RBBP7: variants seen among roughly 807,000 people sequenced by gnomAD.
RBBP7 encodes RB binding protein 7, chromatin remodeling factor, also known as histone-binding protein RBBP7.
A neutral mutation model predicts 35.2 loss-of-function variants in RBBP7; 5 were observed. The observed-to-expected ratio is 0.14, with a 90% CI of 0.07 to 0.30. The LOEUF (loss-of-function observed/expected upper bound fraction) is 0.30. Ranked by LOEUF, RBBP7 falls within the 10% of genes least tolerant of loss-of-function variation. The pLI is 1.00. For synonymous variants in RBBP7, 140 were observed against 118.7 expected (o/e 1.18, Z -1.17); for missense variants, 155 against 327.5 (o/e 0.47, Z 4.07).
Position 16,853,856 on chromosome X carries a change from A to G in RBBP7, c.598-14T>C. ...CAGACAAACAGTCTAAGAGAGAAGG[A>G]GAGAAAAAAAAAAGAACAAGGGCTA... On this transcript the variant is annotated splice_polypyrimidine_tract_variant and intron_variant, in intron 5 of 11. Coordinates refer to ENST00000380087, the MANE Select transcript of RBBP7 (RefSeq NM_002893.4). 1 of 1,074,679 alleles carries G rather than the reference A, an allele frequency of 9.3e-7. No individual in the cohort carries two copies. The highest frequency in any genetic ancestry group is 1.2e-6 in the Non-Finnish European group (1 of 826,467). 88.6% of individuals were successfully genotyped at this position (1,074,679 alleles called of 1,213,427 possible). A position where few individuals can be genotyped will look rare whatever the true frequency, so the allele number is the denominator to read the frequency against.
chrX:16,850,107 A>G (rs1485836976), intron 9 of RBBP7, among the ~76,000 whole-genome samples: 1 of 112,122 alleles, frequency 8.9e-6, no homozygotes. Flanking sequence ...AACTAACCAA[A>G]CAATCTCAAA....
intron 5 of RBBP7, among the ~76,000 whole-genome samples, chrX:16,854,724 T>C (rs1356901322): frequency 9.2e-6 from 1 of 108,593 alleles, no homozygotes; most frequent in Non-Finnish European, 1.9e-5. Flanking sequence ...AGATCCCCAA[T>C]GATGTGCTCC....
Position 16,858,801 on chromosome X carries a change from T to C in RBBP7, c.356A>G (p.Lys119Arg). Residue 119 changes from lysine to arginine, a missense_variant, in exon 4 of 12, where the codon AAA (lysine) becomes AGA (arginine). Physicochemically the swap from Lys to Arg is conservative, Grantham distance 26 (BLOSUM62 2). Around this residue, in one of 3 missense-constraint regions of RBBP7, gnomAD observed 59 missense variants for 90.4 expected, o/e 0.65. Coordinates refer to ENST00000380087, the MANE Select transcript of RBBP7 (RefSeq NM_002893.4). ...SVTGKIECEI[K>R]INHEGEVNRA... ...GTTTACTTCTCCTTCGTGATTGATT[T>C]TAATTTCACATTCAATTTTTCCTGT... 8.3e-7 allele frequency: 1 copy of C among 1,211,738 alleles called. No homozygotes were observed. The highest frequency in any genetic ancestry group is 1.7e-5 in the African/African-American group (1 of 57,774).
At chrX:16,863,148 A>C in intron 2 of RBBP7, 48 bp from the exon 3 acceptor site, 1 of 1,118,900 alleles carries the variant, frequency 8.9e-7, no homozygotes, top group Non-Finnish European at 1.2e-6. Flanking sequence ...AGAAATCTCC[A>C]ATTGCTAACA....
At chrX:16,860,147 CA>C (rs1930433847) in intron 3 of RBBP7, among the ~76,000 whole-genome samples, 1 of 108,796 alleles carries the variant, frequency 9.2e-6, no homozygotes, top group African/African-American at 3.4e-5. Flanking sequence ...GAGACTGCTC[CA>C]AATCTGCTCC....
chrX:16,868,459 T>G (rs1214648739), intron 2 of RBBP7, among the ~76,000 whole-genome samples: 1 of 112,149 alleles, frequency 8.9e-6, no homozygotes, highest in Non-Finnish European at 1.9e-5. Flanking sequence ...CAACAGGACG[T>G]AGATTCTTCA....
intron 2 of RBBP7, among the ~76,000 whole-genome samples, chrX:16,865,715 T>G (rs771004405): frequency 8.9e-6 from 1 of 112,257 alleles, no homozygotes; most frequent in Non-Finnish European, 1.9e-5. Flanking sequence ...TAACTACCAC[T>G]AGGAAATTTA....
At chrX:16,868,934 G>GTA in intron 2 of RBBP7, 142 bp downstream of exon 2, 1 of 585,623 alleles carries the variant, frequency 1.7e-6, no homozygotes, top group Non-Finnish European at 2.6e-6. Flanking sequence ...CACAAATCAC[G>GTA]TAAGTTTTGA....
intron 10 of RBBP7, 73 bp from the exon 11 acceptor site, chrX:16,846,011 T>C: frequency 8.7e-7 from 1 of 1,148,389 alleles, no homozygotes; most frequent in Non-Finnish European, 1.2e-6. Flanking sequence ...TTACTAAGTT[T>C]TTAGAGCTAT....
Position 16,854,944 on chromosome X carries a change from G to T in RBBP7, c.598-1102C>A, listed in dbSNP as rs1388027157. On this transcript the variant is annotated intron_variant, in intron 5 of 11. Transcript: ENST00000380087. ...GTTAATAAGAAATAATACCATGAAG[G>T]TATATTAGCACTAATTATAGTTCCA... Among the ~76,000 whole-genome samples the T allele has an allele frequency of 2.8e-5, 3 of 106,675 alleles. No individual in the cohort carries two copies. In the Admixed American group the frequency reaches 3.0e-4, roughly 11 times the overall value. 92.6% of individuals were successfully genotyped at this position (106,675 alleles called of 115,157 possible). A position where few individuals can be genotyped will look rare whatever the true frequency, so the allele number is the denominator to read the frequency against.
At chrX:16,857,559 C>A in intron 5 of RBBP7, 35 bp downstream of exon 5, 1 of 1,208,993 alleles carries the variant, frequency 8.3e-7, no homozygotes, top group East Asian at 3.0e-5. Flanking sequence ...TCAGCTCTCA[C>A]TATATGAACA....
At chrX:16,847,296 C>A (rs763548568) in intron 10 of RBBP7, 25 of 109,232 alleles carry the variant, frequency 2.3e-4, no homozygotes, top group African/African-American at 8.3e-4. Context: ...CATGGTGAAA[C>A]CCTGTCTCTA....
intron 3 of RBBP7, among the ~76,000 whole-genome samples, chrX:16,862,283 C>T (rs1021187110): frequency 1.8e-5 from 2 of 111,132 alleles, no homozygotes; most frequent in African/African-American, 6.6e-5. Context: ...GCAAAATCAC[C>T]AAACTTGGGG....
At position 16,852,567 on chromosome X, in the gene RBBP7, T is replaced by A; in HGVS notation, c.947A>T (p.Lys316Ile). 1 of 1,211,398 alleles carries A rather than the reference T, an allele frequency of 8.3e-7. No homozygotes were observed. Among genetic ancestry groups the A allele is most frequent in the Non-Finnish European group, 1.1e-6 (1 of 895,145 alleles). The change falls in exon 8 of 12, where the codon AAA (lysine) becomes ATA (isoleucine). Residue 316 changes from lysine to isoleucine, a missense_variant. Coordinates refer to ENST00000380087, the MANE Select transcript of RBBP7 (RefSeq NM_002893.4). ...GTCACATACCTGGAAAATTTCATCT[T>A]TATGAGATTCGAAGGTATGGAGTTT... ...KLKLHTFESHKDEIFQVHWSP... is the reference protein window; with the variant it reads ...KLKLHTFESHIDEIFQVHWSP...
chrX:16,853,953 G>A, intron 5 of RBBP7, 111 bp from the exon 6 acceptor site: 1 of 617,760 alleles, frequency 1.6e-6, no homozygotes. Context: ...TGCGATCTCG[G>A]CTCACTGCAG....
At chrX:16,852,920 C>T in intron 6 of RBBP7, 45 bp from the exon 7 acceptor site, 1 of 1,207,583 alleles carries the variant, frequency 8.3e-7, no homozygotes, top group East Asian at 3.0e-5. Flanking sequence ...GGATGACACA[C>T]TCACATTCGG....
At chrX:16,863,392 G>C (rs1447739049) in intron 2 of RBBP7, among the ~76,000 whole-genome samples, 1 of 111,526 alleles carries the variant, frequency 9.0e-6, no homozygotes, top group African/African-American at 3.3e-5. Context: ...GCACTCCGGG[G>C]AAGGTAGGCC....
intron 5 of RBBP7, 25 bp from the exon 6 acceptor site, chrX:16,853,867 AAAG>A (rs764968891): frequency 1.9e-5 from 20 of 1,070,423 alleles, no homozygotes; most frequent in Non-Finnish European, 2.4e-5. Context: ...GAGAAAAAAA[AAAG>A]AACAAGGGCT....
At chrX:16,854,598 CTT>C (rs984747086) in intron 5 of RBBP7, among the ~76,000 whole-genome samples, 3 of 111,193 alleles carry the variant, frequency 2.7e-5, no homozygotes, top group African/African-American at 9.8e-5. Flanking sequence ...ATGGACAAGT[CTT>C]TCACTTCATG....
Sources: gnomAD v4.1 joint callset for allele counts (sites outside exome capture counted in the v4.1 genomes callset) on GRCh38, gnomAD v4.1.1 for gene constraint, gnomAD v4.1.1 regional missense constraint, MANE v1.5 for transcripts, NCBI Gene and HGNC (gene_info 2026-07-23, HGNC 2026-07-21) for gene names.